CPA6: variants seen among roughly 807,000 people sequenced by gnomAD.
The protein encoded by CPA6 is carboxypeptidase A6.
CPA6 carries 58 observed loss-of-function variants against 63.3 expected under a neutral mutation model. The observed-to-expected ratio is 0.92, with a 90% CI of 0.74 to 1.14. The LOEUF (loss-of-function observed/expected upper bound fraction) is 1.14, where lower values mean the gene tolerates loss of function less well. Among genes scored for constraint, CPA6 ranks in the 50% most tolerant of loss-of-function variants. CPA6 has a pLI of 0.00. For missense variants in CPA6, 565 were observed against 526.6 expected (o/e 1.07, Z -0.71); for synonymous variants, 185 against 179.0 (o/e 1.03, Z -0.27).
At chr8:67,596,994 A>T (rs1453751725) in intron 2 of CPA6, among the ~76,000 whole-genome samples, 3 of 152,172 alleles carry the variant, frequency 2.0e-5, no homozygotes, top group Non-Finnish European at 2.9e-5. Context: ...TTATCCTATT[A>T]TTGGTGATGT....
chr8:67,448,663 C>A (rs1286906820), intron 8 of CPA6, among the ~76,000 whole-genome samples: 566 of 52,006 alleles, frequency 0.011, no homozygotes, highest in Middle Eastern at 0.033. Context: ...AAGGAAAGAA[C>A]GAAAAAGAAA....
chr8:67,728,552 T>C (rs1286918593), intron 1 of CPA6, among the ~76,000 whole-genome samples: 1 of 152,248 alleles, frequency 6.6e-6, no homozygotes, highest in Admixed American at 6.5e-5. Context: ...AATAAATTGA[T>C]AACAAACGTC....
At chr8:67,733,917 C>T (rs1234514775) in intron 1 of CPA6, among the ~76,000 whole-genome samples, 1 of 143,982 alleles carries the variant, frequency 6.9e-6, no homozygotes, top group Non-Finnish European at 1.5e-5. Context: ...CTCTGTCACA[C>T]AGGCTGGAGC....
intron 2 of CPA6, among the ~76,000 whole-genome samples, chr8:67,608,712 T>G (rs1814729569): frequency 6.6e-6 from 1 of 152,170 alleles, no homozygotes; most frequent in African/African-American, 2.4e-5. Flanking sequence ...GATGCTGCCA[T>G]GGGGCCGGAG....
chr8:67,537,160 T>C (rs1812602942), intron 2 of CPA6, among the ~76,000 whole-genome samples: 1 of 152,206 alleles, frequency 6.6e-6, no homozygotes, highest in South Asian at 2.1e-4. Context: ...AATTTTCTTT[T>C]TTTGTTGTGA....
chr8:67,584,873 C>T (rs1315488662), intron 2 of CPA6, among the ~76,000 whole-genome samples: 1 of 152,164 alleles, frequency 6.6e-6, no homozygotes, highest in African/African-American at 2.4e-5. Context: ...ATAAAGCCAA[C>T]ATCTCCGATG....
intron 8 of CPA6, among the ~76,000 whole-genome samples, chr8:67,481,557 C>G (rs1029713469): frequency 6.6e-6 from 1 of 152,210 alleles, no homozygotes; most frequent in Admixed American, 6.5e-5. Flanking sequence ...TGGTAAAAAG[C>G]AGTTTCATGT....
chr8:67,727,033 A>AT (rs780892004), intron 1 of CPA6, among the ~76,000 whole-genome samples: 13 of 152,178 alleles, frequency 8.5e-5, no homozygotes, highest in African/African-American at 1.2e-4. Context: ...TATAGGGTTG[A>AT]TTTTTTAAAA....
chr8:67,687,666 C>T lies in CPA6; in HGVS notation c.116+58348G>A, dbSNP rs531652382. Among the ~76,000 whole-genome samples the T allele has an allele frequency of 6.6e-5, 10 of 152,184 alleles. No homozygotes were observed. In the East Asian group the frequency reaches 9.7e-4, roughly 15 times the overall value. ...CTGCAATAGATGCTCATTATCATCA[C>T]GGTGGGTTTCGGGGTCAGCGATTCA... On this transcript the variant is annotated intron_variant, in intron 1 of 10. Transcript: ENST00000297770.
intron 1 of CPA6, among the ~76,000 whole-genome samples, chr8:67,676,251 G>C (rs946391054): frequency 6.6e-6 from 1 of 152,178 alleles, no homozygotes. Context: ...TAAATATGGA[G>C]AGGCAGCTTC....
At chr8:67,632,183 T>TGTG (rs1815354961) in intron 1 of CPA6, among the ~76,000 whole-genome samples, 1 of 147,824 alleles carries the variant, frequency 6.8e-6, no homozygotes, top group East Asian at 2.0e-4. Context: ...TGTGTGTGTG[T>TGTG]TTTCTCAGAG....
chr8:67,493,742 C>T (rs1811652549), intron 6 of CPA6, among the ~76,000 whole-genome samples: 1 of 152,118 alleles, frequency 6.6e-6, no homozygotes, highest in Non-Finnish European at 1.5e-5. Context: ...TATTGTGGCT[C>T]ACTTGGAGAA....
intron 1 of CPA6, among the ~76,000 whole-genome samples, chr8:67,650,389 C>T (rs796632956): frequency 5.3e-4 from 80 of 152,224 alleles, no homozygotes; most frequent in African/African-American, 1.9e-3. Context: ...TCTCTTAGCT[C>T]TATGTTCATC....
At chr8:67,561,783 A>C (rs958862151) in intron 2 of CPA6, among the ~76,000 whole-genome samples, 1 of 152,218 alleles carries the variant, frequency 6.6e-6, no homozygotes, top group African/African-American at 2.4e-5. Context: ...AATGTACTCT[A>C]AAGAATTCAG....
intron 2 of CPA6, among the ~76,000 whole-genome samples, chr8:67,614,363 T>G (rs1201362872): frequency 6.6e-6 from 1 of 152,222 alleles, no homozygotes; most frequent in African/African-American, 2.4e-5. Flanking sequence ...TGGAAGAGTC[T>G]GGATATGAAC....
intron 10 of CPA6, among the ~76,000 whole-genome samples, chr8:67,424,784 G>T (rs1324632741): frequency 1.3e-5 from 2 of 152,118 alleles, no homozygotes; most frequent in South Asian, 2.1e-4. Context: ...ATGACCTCAG[G>T]CCTAGCCTCT....
In CPA6 at chr8:67,483,953, T is replaced by C. The variant is rs184607126; in HGVS notation, c.748-95A>G. The C allele has an allele frequency of 1.6e-5, 16 of 1,014,416 alleles. No individual in the cohort carries two copies. In the Admixed American group the frequency reaches 1.6e-4, roughly 10 times the overall value. 62.8% of individuals were successfully genotyped at this position (1,014,416 alleles called of 1,614,324 possible). ...TCAATCAATGAAAGAGTCATACCACTGAGGGGAGAGTTCTCCTGTGAATAG... is the reference window on the plus strand; with the variant it reads ...TCAATCAATGAAAGAGTCATACCACCGAGGGGAGAGTTCTCCTGTGAATAG... On this transcript the variant is annotated intron_variant, in intron 7 of 10. Transcript: ENST00000297770.
intron 2 of CPA6, 36 bp downstream of exon 2, chr8:67,624,140 C>T (rs778436307): frequency 2.4e-6 from 3 of 1,269,090 alleles, no homozygotes; most frequent in East Asian, 2.3e-5. Flanking sequence ...ACTCCACAAG[C>T]ACAATTCTAC....
At chr8:67,651,836 C>T (rs1003048759) in intron 1 of CPA6, among the ~76,000 whole-genome samples, 3 of 152,014 alleles carry the variant, frequency 2.0e-5, no homozygotes, top group African/African-American at 4.8e-5. Context: ...TGGTGTGCTG[C>T]ACCCATTAAC....
Sources: allele counts gnomAD v4.1 joint callset (sites outside exome capture counted in the v4.1 genomes callset), GRCh38; gene constraint gnomAD v4.1.1; transcripts MANE v1.5; gene names NCBI Gene and HGNC (gene_info 2026-07-23, HGNC 2026-07-21).